Variants in FSTL4 observed in about 807,000 individuals in gnomAD.
FSTL4 encodes follistatin like 4, also known as follistatin-related protein 4.
In FSTL4, 28 loss-of-function variants were observed where a neutral mutation model predicts 78.2. The ratio of observed to expected loss-of-function variants is 0.36; its 90% CI spans 0.27 to 0.49. The LOEUF is 0.49. FSTL4 is among the 20% of genes least tolerant of loss of function. The pLI, the probability that FSTL4 is intolerant of heterozygous loss-of-function variation, is 0.98. For missense variants in FSTL4, 922 were observed against 1,084.9 expected (o/e 0.85, Z 2.11); for synonymous variants, 422 against 440.5 (o/e 0.96, Z 0.53).
chr5:133,743,405 T>C, the FSTL4 span, among the ~76,000 whole-genome samples: 2 of 152,252 alleles, frequency 1.3e-5, no homozygotes. Flanking sequence ...TACCTTTAAA[T>C]GCATGGATTT....
the FSTL4 span, among the ~76,000 whole-genome samples, chr5:133,762,181 G>T: frequency 1.3e-5 from 2 of 152,092 alleles, no homozygotes; most frequent in African/African-American, 4.8e-5. Flanking sequence ...TCTTCAGGTT[G>T]GATTTTTCTA....
intron 3 of FSTL4, among the ~76,000 whole-genome samples, chr5:133,484,718 G>A (rs1230512738): frequency 2.0e-5 from 3 of 152,210 alleles, no homozygotes; most frequent in African/African-American, 7.2e-5. Context: ...AGTGAAAAGA[G>A]CCTAGTGTCA....
chr5:133,606,046 T>C lies in FSTL4; in HGVS notation c.-10-2053A>G, dbSNP rs139402523. Among the ~76,000 whole-genome samples the C allele has an allele frequency of 1.6e-4, 25 of 152,312 alleles. No individual in the cohort carries two copies. The East Asian group carries it at 3.9e-3, about 24-fold the overall frequency. On this transcript the variant is annotated intron_variant, in intron 1 of 15. Transcript: ENST00000265342. Reference sequence around the variant, plus strand: ...GATCTAGCTAGGGTGTGTGAAATCTTACAGGGAGAAGGAGCAGGAAAAGAA... The same window carrying C: ...GATCTAGCTAGGGTGTGTGAAATCTCACAGGGAGAAGGAGCAGGAAAAGAA...
At chr5:133,305,730 A>G (rs923668457) in intron 6 of FSTL4, among the ~76,000 whole-genome samples, 1 of 152,106 alleles carries the variant, frequency 6.6e-6, no homozygotes, top group Non-Finnish European at 1.5e-5. Context: ...TTGCTGACCT[A>G]ACACCACCTC....
intron 4 of FSTL4, among the ~76,000 whole-genome samples, chr5:133,368,318 C>T (rs1489472289): frequency 6.6e-6 from 1 of 152,242 alleles, no homozygotes; most frequent in Non-Finnish European, 1.5e-5. Context: ...CTCAGGCAAG[C>T]TTCCCTGGTT....
At chr5:133,713,092 C>G in the FSTL4 span, among the ~76,000 whole-genome samples, 2 of 152,160 alleles carry the variant, frequency 1.3e-5, no homozygotes, top group Admixed American at 6.5e-5. Flanking sequence ...GTACCAGAAA[C>G]AGAGCCACAG....
At chr5:133,719,576 G>A in the FSTL4 span, among the ~76,000 whole-genome samples, 1 of 151,306 alleles carries the variant, frequency 6.6e-6, no homozygotes, top group Non-Finnish European at 1.5e-5. Context: ...AAGAGGCTGA[G>A]GCAGGAGAAT....
At chr5:133,310,148 G>A (rs1753746062) in intron 6 of FSTL4, among the ~76,000 whole-genome samples, 2 of 152,110 alleles carry the variant, frequency 1.3e-5, no homozygotes, top group Admixed American at 6.5e-5. Flanking sequence ...TGCATGTCAA[G>A]CCTTTATAGT....
the FSTL4 span, among the ~76,000 whole-genome samples, chr5:133,745,488 A>G: frequency 6.6e-6 from 1 of 152,220 alleles, no homozygotes; most frequent in Non-Finnish European, 1.5e-5. Flanking sequence ...GTATATATAG[A>G]TTAATGTTCT....
chr5:133,343,507 G>T (rs920564206), intron 4 of FSTL4, among the ~76,000 whole-genome samples: 1 of 152,200 alleles, frequency 6.6e-6, no homozygotes, highest in African/African-American at 2.4e-5. Flanking sequence ...CTGAACCCTG[G>T]GGCTTGAGAA....
chr5:133,234,212 C>CA (rs1271646737), intron 7 of FSTL4, among the ~76,000 whole-genome samples: 4 of 152,034 alleles, frequency 2.6e-5, no homozygotes, highest in African/African-American at 9.7e-5. Flanking sequence ...CTTGGTAACC[C>CA]AAGGGAAGGG....
the FSTL4 span, among the ~76,000 whole-genome samples, chr5:133,774,982 CA>C: frequency 3.7e-4 from 39 of 106,772 alleles, no homozygotes; most frequent in African/African-American, 8.4e-4. Context: ...TCTAAAATGA[CA>C]AAAAAAAAAT....
chr5:133,828,627 C>T, the FSTL4 span, among the ~76,000 whole-genome samples: 1 of 152,218 alleles, frequency 6.6e-6, no homozygotes, highest in Non-Finnish European at 1.5e-5. Flanking sequence ...GCATCAGGCA[C>T]TATGGGCACC....
chr5:133,254,225 G>A (rs999863740), intron 6 of FSTL4, among the ~76,000 whole-genome samples: 1 of 152,224 alleles, frequency 6.6e-6, no homozygotes, highest in East Asian at 1.9e-4. Context: ...CTTCGACAGT[G>A]GCATTCTCTA....
At chr5:133,788,168 C>T in the FSTL4 span, among the ~76,000 whole-genome samples, 1 of 152,192 alleles carries the variant, frequency 6.6e-6, no homozygotes, top group Non-Finnish European at 1.5e-5. Flanking sequence ...GAACTGTTTG[C>T]TGGAGAAGGG....
chr5:133,353,463 A>G (rs569910058), intron 4 of FSTL4, among the ~76,000 whole-genome samples: 10 of 152,184 alleles, frequency 6.6e-5, no homozygotes, highest in Admixed American at 1.3e-4. Context: ...CACCCCCAAA[A>G]GAGGCCCCAG....
chr5:133,546,942 C>T (rs1168942659), intron 3 of FSTL4, among the ~76,000 whole-genome samples: 1 of 152,118 alleles, frequency 6.6e-6, no homozygotes, highest in Non-Finnish European at 1.5e-5. Flanking sequence ...CTTCCTCCCC[C>T]CAGATTTCAA....
the FSTL4 span, among the ~76,000 whole-genome samples, chr5:133,658,023 G>A: frequency 6.6e-6 from 1 of 151,620 alleles, no homozygotes; most frequent in Middle Eastern, 3.4e-3. Flanking sequence ...AACTTTCTCA[G>A]GTATTTCATT....
At position 133,426,166 on chromosome 5, in the gene FSTL4, C is replaced by T. The variant is rs1349882945; in HGVS notation, c.161-25180G>A. On this transcript the variant is annotated intron_variant, in intron 3 of 15. Coordinates refer to ENST00000265342, the MANE Select transcript of FSTL4 (RefSeq NM_015082.2). The surrounding 1 kb of genome is among the most constrained non-coding windows in gnomAD (Gnocchi z 5.0). ...TTGATCTCAAAAGAAGTCATCTTTC[C>T]CAGTTAGGAATTTTTAAAGCACAGA... Among the ~76,000 whole-genome samples the T allele has an allele frequency of 2.0e-5, 3 of 152,164 alleles. No homozygotes were observed. Among genetic ancestry groups the T allele is most frequent in the African/African-American group, 7.2e-5 (3 of 41,444 alleles).
Sources: gnomAD v4.1 joint callset for allele counts (sites outside exome capture counted in the v4.1 genomes callset) on GRCh38, gnomAD v4.1.1 for gene constraint, Gnocchi (gnomAD v3.1) non-coding constraint, MANE v1.5 for transcripts, NCBI Gene and HGNC (gene_info 2026-07-23, HGNC 2026-07-21) for gene names.